The following DPP10 variants were observed in gnomAD, a reference collection of about 807,000 sequenced individuals.
The protein encoded by DPP10 is inactive dipeptidyl peptidase 10.
A neutral mutation model predicts 120.9 loss-of-function variants in DPP10; 33 were observed. The observed-to-expected ratio is 0.27, with a 90% CI of 0.21 to 0.37. The LOEUF (loss-of-function observed/expected upper bound fraction) is 0.37, where lower values mean the gene tolerates loss of function less well. DPP10 is among the 10% of genes least tolerant of loss of function. The pLI, the probability that DPP10 is intolerant of heterozygous loss-of-function variation, is 1.00. For synonymous variants in DPP10, 337 were observed against 326.1 expected (o/e 1.03, Z -0.36); for missense variants, 816 against 942.8 (o/e 0.87, Z 1.76).
At chr2:114,563,893 C>T (rs1688968657) in intron 1 of DPP10, among the ~76,000 whole-genome samples, 1 of 152,184 alleles carries the variant, frequency 6.6e-6, no homozygotes. Context: ...TCTCTGTCCT[C>T]TGCTCATCTG....
chr2:114,490,425 G>T (rs1231991333), intron 1 of DPP10, among the ~76,000 whole-genome samples: 2 of 152,120 alleles, frequency 1.3e-5, no homozygotes, highest in African/African-American at 2.4e-5. Flanking sequence ...TGTAGCAGGG[G>T]TTTTCCTAAT....
In DPP10 at chr2:115,834,609, A is replaced by G. The variant is rs546671278; in HGVS notation, c.1951-1548A>G. ...ACTGGACATCTTGGCTTATTAAAAA[A>G]CATTTCAAGAGGGTATTCAAAATTA... On this transcript the variant is annotated intron_variant, in intron 21 of 25. Coordinates refer to ENST00000410059, the MANE Select transcript of DPP10 (RefSeq NM_020868.6). Among the ~76,000 whole-genome samples, 86 of 152,290 alleles carry G rather than the reference A, an allele frequency of 5.6e-4. 2 individuals are homozygous for G. Among genetic ancestry groups the G allele is most frequent in the African/African-American group, 2.0e-3 (83 of 41,558 alleles).
At chr2:114,927,269 G>A (rs7585007) in intron 1 of DPP10, among the ~76,000 whole-genome samples, 1 of 151,908 alleles carries the variant, frequency 6.6e-6, no homozygotes, top group East Asian at 1.9e-4. Flanking sequence ...TCAAGACTAG[G>A]TATTGTGAAC....
At chr2:115,390,314 CT>C (rs2067235032) in intron 3 of DPP10, among the ~76,000 whole-genome samples, 1 of 152,142 alleles carries the variant, frequency 6.6e-6, no homozygotes, top group Non-Finnish European at 1.5e-5. Context: ...ATAATTACCA[CT>C]GGGATATTTT....
intron 16 of DPP10, among the ~76,000 whole-genome samples, chr2:115,781,257 A>T (rs1026486765): frequency 3.3e-5 from 5 of 151,922 alleles, no homozygotes; most frequent in African/African-American, 1.2e-4. Context: ...TTAAAAGGTG[A>T]ATAAATATAT....
intron 4 of DPP10, among the ~76,000 whole-genome samples, chr2:115,506,207 A>G (rs1314488339): frequency 6.6e-6 from 1 of 152,082 alleles, no homozygotes; most frequent in Non-Finnish European, 1.5e-5. Context: ...CACACTTCAC[A>G]TTACATAATA....
chr2:115,177,645 A>G (rs1038884799), intron 1 of DPP10, among the ~76,000 whole-genome samples: 1 of 152,180 alleles, frequency 6.6e-6, no homozygotes. Context: ...TTCCAGAGAA[A>G]TGTTTGTAGT....
At chr2:114,778,439 A>C (rs537797807) in intron 1 of DPP10, among the ~76,000 whole-genome samples, 10 of 152,222 alleles carry the variant, frequency 6.6e-5, no homozygotes, top group African/African-American at 2.4e-4. Flanking sequence ...ATAGCTTCAC[A>C]TTTTAGTTAC....
intron 1 of DPP10, among the ~76,000 whole-genome samples, chr2:114,529,887 T>A (rs770011352): frequency 6.6e-6 from 1 of 152,130 alleles, no homozygotes; most frequent in Non-Finnish European, 1.5e-5. Context: ...TTCTCCTCTA[T>A]GTGTCCATGT....
At chr2:115,644,876 G>A (rs2087104911) in intron 5 of DPP10, among the ~76,000 whole-genome samples, 1 of 152,106 alleles carries the variant, frequency 6.6e-6, no homozygotes, top group Non-Finnish European at 1.5e-5. Context: ...TTTTAATGTG[G>A]TTTATATAAA....
At chr2:115,358,520 T>C (rs142458858) in intron 3 of DPP10, among the ~76,000 whole-genome samples, 3,857 of 152,286 alleles carry the variant, frequency 0.025, 58 homozygotes, top group Admixed American at 0.047. Context: ...TCCAAGTCTC[T>C]GGGAAGTTCC....
At chr2:114,812,667 C>A (rs772611543) in intron 1 of DPP10, among the ~76,000 whole-genome samples, 1 of 151,656 alleles carries the variant, frequency 6.6e-6, no homozygotes, top group Non-Finnish European at 1.5e-5. Context: ...GTTCTCACCT[C>A]TGTATCTCTA....
intron 5 of DPP10, among the ~76,000 whole-genome samples, chr2:115,600,711 A>G (rs1341132868): frequency 6.6e-6 from 1 of 152,248 alleles, no homozygotes; most frequent in Non-Finnish European, 1.5e-5. Flanking sequence ...CATTTCTTTT[A>G]TATCAATGAG....
intron 1 of DPP10, among the ~76,000 whole-genome samples, chr2:114,724,364 C>G (rs377715875): frequency 1.3e-5 from 2 of 152,116 alleles, no homozygotes; most frequent in Non-Finnish European, 2.9e-5. Context: ...TCCAACAGAC[C>G]GCCAGGATGG....
chr2:114,795,350 G>A (rs1248302247), intron 1 of DPP10, among the ~76,000 whole-genome samples: 1 of 151,948 alleles, frequency 6.6e-6, no homozygotes, highest in African/African-American at 2.4e-5. Flanking sequence ...AATTAGCCTG[G>A]CATGGTGGCA....
At chr2:115,830,551 G>C (rs1559213672) in intron 21 of DPP10, among the ~76,000 whole-genome samples, 1 of 152,100 alleles carries the variant, frequency 6.6e-6, no homozygotes, top group Non-Finnish European at 1.5e-5. Flanking sequence ...TGGTCAAAGA[G>C]TAGAAGAAAA....
rs183772106 is a variant in DPP10 at position 115,154,466 on chromosome 2, A to T, written c.61-154773A>T. ...TCAGATGCTGATATGATGAATCTTGATAAGATGAATCTTGATATTCAGAGG... is the reference window on the plus strand; with the variant it reads ...TCAGATGCTGATATGATGAATCTTGTTAAGATGAATCTTGATATTCAGAGG... On this transcript the variant is annotated intron_variant, in intron 1 of 25. Transcript: ENST00000410059. Among the ~76,000 whole-genome samples, 357 of 152,296 alleles carry T rather than the reference A, an allele frequency of 2.3e-3. 1 individual carries two copies. The highest frequency in any genetic ancestry group is 3.8e-3 in the Non-Finnish European group (258 of 68,032).
chr2:114,767,116 AAAAAGCTTAAAGCTAAAATT>A (rs1680779245), intron 1 of DPP10, among the ~76,000 whole-genome samples: 1 of 149,308 alleles, frequency 6.7e-6, no homozygotes, highest in South Asian at 2.1e-4. Context: ...AAAAAAAAAA[AAAAAGCTTAAAGCTAAAATT>A]AAAAAACAAC....
At chr2:114,912,158 A>G (rs1001541885) in intron 1 of DPP10, among the ~76,000 whole-genome samples, 1 of 152,168 alleles carries the variant, frequency 6.6e-6, no homozygotes, top group African/African-American at 2.4e-5. Flanking sequence ...ACACACATGC[A>G]TATACATTTA....
Sources: allele counts gnomAD v4.1 joint callset (sites outside exome capture counted in the v4.1 genomes callset), GRCh38; gene constraint gnomAD v4.1.1; transcripts MANE v1.5; gene names NCBI Gene and HGNC (gene_info 2026-07-23, HGNC 2026-07-21).